Variants in FUS observed in about 807,000 individuals in gnomAD.
FUS encodes the protein RNA-binding protein FUS.
Under a neutral mutation model 82.7 loss-of-function variants are expected in FUS, and 5 were observed. That is an observed-to-expected ratio of 0.06 (90% confidence interval 0.03 to 0.13). FUS has a LOEUF of 0.13. Among genes scored for constraint, FUS ranks in the 10% least tolerant of loss-of-function variants. FUS has a pLI of 1.00. For synonymous variants in FUS, 281 were observed against 247.4 expected, an observed-to-expected ratio of 1.14 and a Z score of -1.27; for missense variants, 512 against 707.8, an observed-to-expected ratio of 0.72 and a Z score of 3.14.
downstream of FUS, chr16:31,192,107 C>G: frequency 1.9e-6 from 1 of 531,992 alleles, no homozygotes; most frequent in Non-Finnish European, 3.6e-6. Flanking sequence ...GAGTGACTCC[C>G]TTCCTAGCTG....
rs750230722 is a variant in FUS at position 31,182,415 on chromosome 16, A to G, written c.31A>G (p.Thr11Ala). 6.2e-6 allele frequency: 10 copies of G among 1,614,076 alleles called. No individual in the cohort carries two copies. Among genetic ancestry groups the G allele is most frequent in the Non-Finnish European group, 8.5e-6 (10 of 1,180,038 alleles). The change falls in exon 2 of 15, where the codon ACC becomes GCC. Residue 11 changes from threonine to alanine, a missense_variant. By Grantham distance (58) the Thr-to-Ala change is moderately conservative. This residue lies in a region of FUS where 276 missense variants were observed against 303.3 expected (regional missense o/e 0.91). Coordinates refer to ENST00000254108, the MANE Select transcript of FUS (RefSeq NM_004960.4). ...TTTTGCAGATTATACCCAACAAGCA[A>G]CCCAAAGGTGAGTGCTATTTTTGGG... The part of the protein sequence containing the change: MASNDYTQQA[T>A]QSYGAYPTQP...
intron 10 of FUS, 97 bp downstream of exon 10, chr16:31,189,891 A>G (rs567135495): frequency 8.7e-6 from 14 of 1,603,316 alleles, no homozygotes; most frequent in South Asian, 7.7e-5. Flanking sequence ...GAGTCTTCCA[A>G]CACTTACTTT....
At chr16:31,194,586 TG>T (rs1367828770), downstream of FUS, 4 of 497,490 alleles carry the variant, frequency 8.0e-6, no homozygotes, top group Admixed American at 4.6e-5. Context: ...GATTAAGGTG[TG>T]AGATACTGTG....
intron 11 of FUS, 59 bp downstream of exon 11, chr16:31,190,200 A>C (rs1252084949): frequency 1.2e-6 from 2 of 1,613,776 alleles, no homozygotes; most frequent in East Asian, 2.2e-5. Flanking sequence ...GAAGATGGTA[A>C]AGGCTTGCAT....
chr16:31,186,220 C>T (rs1380474780), intron 6 of FUS: 7 of 246,436 alleles, frequency 2.8e-5, no homozygotes, highest in Admixed American at 1.5e-4. Flanking sequence ...CCGCTCTTCT[C>T]GCAGTGTAGA....
At chr16:31,180,918 C>A (rs994961078) in intron 1 of FUS, among the ~76,000 whole-genome samples, 3 of 147,868 alleles carry the variant, frequency 2.0e-5, no homozygotes, top group Non-Finnish European at 3.0e-5. Flanking sequence ...AAATTTCTTT[C>A]TTTTTTTTTT....
In FUS at chr16:31,183,921, A is replaced by G; in HGVS notation, c.254A>G (p.Gln85Arg). 6.2e-7 allele frequency: 1 copy of G among 1,614,030 alleles called. No individual in the cohort carries two copies. The highest frequency in any genetic ancestry group is 8.5e-7 in the Non-Finnish European group (1 of 1,179,904). The part of the protein sequence containing the change: ...YGSTGGYGSS[Q>R]SSQSSYGQQS... ...TCGACTGGCGGCTATGGCAGTAGCC[A>G]GAGCTCCCAATCGTCTTACGGGCAG... The change falls in exon 4 of 15, where the codon CAG becomes CGG. Residue 85 changes from glutamine (Q) to arginine (R), a missense_variant. Around this residue, in one of 6 missense-constraint regions of FUS, gnomAD observed 276 missense variants for 303.3 expected, o/e 0.91. Coordinates refer to ENST00000254108, the MANE Select transcript of FUS (RefSeq NM_004960.4).
At chr16:31,185,549 G>A (rs2079256903) in intron 6 of FUS, 2 of 552,132 alleles carry the variant, frequency 3.6e-6, no homozygotes, top group South Asian at 3.1e-5. Flanking sequence ...AAATAGTAGG[G>A]AAACTTGGTA....
chr16:31,187,784 T>C (rs2079292027), intron 7 of FUS: 1 of 237,658 alleles, frequency 4.2e-6, no homozygotes, highest in Non-Finnish European at 8.3e-6. Flanking sequence ...AAAAATACAA[T>C]AGCTATTATG....
intron 6 of FUS, chr16:31,185,691 ATTGATT>A: frequency 2.3e-6 from 1 of 427,460 alleles, no homozygotes; most frequent in Non-Finnish European, 4.8e-6. Context: ...TTTGACCGAC[ATTGATT>A]TTGTGTGTGA....
At chr16:31,188,612 A>G (rs2079307356) in intron 8 of FUS, 1 of 582,054 alleles carries the variant, frequency 1.7e-6, no homozygotes, top group Middle Eastern at 4.6e-4. Context: ...ACAAGTCCCC[A>G]GTGATGCTGA....
Position 31,182,609 on chromosome 16 carries a change from G to T in FUS, c.135G>T (p.Thr45=), listed in dbSNP as rs2144101789. The T allele has an allele frequency of 2.5e-6, 4 of 1,614,198 alleles. No homozygotes were observed. In the Middle Eastern group the frequency reaches 5.0e-4, roughly 200 times the overall value. The change falls in exon 3 of 15, where the codon ACG becomes ACT. Residue 45 remains threonine (T), a synonymous_variant. Coordinates refer to ENST00000254108, the MANE Select transcript of FUS (RefSeq NM_004960.4). The part of the protein sequence containing the change: ...QQSYSGYSQS[T]DTSGYGQSSY... ...GTTACAGTGGTTATAGCCAGTCCAC[G>T]GACACTTCAGGCTATGGCCAGAGCA...
chr16:31,182,330 A>G (rs2079191255), intron 1 of FUS, 68 bp from the exon 2 acceptor site: 3 of 1,576,438 alleles, frequency 1.9e-6, no homozygotes, highest in Non-Finnish European at 2.6e-6. Context: ...GAGTTAAGGA[A>G]TTTAGCTTTA....
At chr16:31,184,100 T>C (rs911400679) in intron 4 of FUS, 98 bp downstream of exon 4, 15 of 1,612,250 alleles carry the variant, frequency 9.3e-6, no homozygotes, top group Non-Finnish European at 1.3e-5. Context: ...GAGGTGTAAT[T>C]GGGGTAGGGG....
chr16:31,183,032 A>G, intron 3 of FUS: 2 of 333,090 alleles, frequency 6.0e-6, no homozygotes, highest in Non-Finnish European at 1.2e-5. Context: ...AAACCTGAGC[A>G]GCACTGAGAT....
At chr16:31,192,031 T>G (rs1415714323), downstream of FUS, 1 of 533,174 alleles carries the variant, frequency 1.9e-6, no homozygotes, top group South Asian at 1.5e-5. Context: ...ACTCTGGGTC[T>G]TTCACAGGAA....
chr16:31,191,946 T>C, downstream of FUS: 1 of 533,850 alleles, frequency 1.9e-6, no homozygotes, highest in Non-Finnish European at 3.6e-6. Context: ...TTGGCCCTTT[T>C]AATGGTGAGG....
intron 1 of FUS, among the ~76,000 whole-genome samples, 171 bp downstream of exon 1, chr16:31,180,398 T>C (rs2058037674): frequency 6.6e-6 from 1 of 152,162 alleles, no homozygotes; most frequent in Admixed American, 6.5e-5. Flanking sequence ...CGCCATTTTG[T>C]TTCGCTCCTC....
rs759668256 is a variant in FUS, at chr16:31,180,162, C to T, written c.-53C>T. 41 of 1,600,846 alleles carry T rather than the reference C, an allele frequency of 2.6e-5. No individual in the cohort carries two copies. The highest frequency in any genetic ancestry group is 6.7e-5 in the African/African-American group (5 of 74,772). ...CTGCTCAGTCCTCCAGGCGTCGGTA[C>T]TCAGCGGTGTTGGAACTTCGTTGCT... On this transcript the variant is annotated 5_prime_UTR_variant, in exon 1 of 15. Transcript: ENST00000254108.
Sources: gnomAD v4.1 joint callset for allele counts (sites outside exome capture counted in the v4.1 genomes callset) on GRCh38, gnomAD v4.1.1 for gene constraint, gnomAD v4.1.1 regional missense constraint, MANE v1.5 for transcripts, NCBI Gene and HGNC (gene_info 2026-07-23, HGNC 2026-07-21) for gene names.